The following LOC400499 variants were observed in gnomAD, a reference collection of about 807,000 sequenced individuals.
the LOC400499 span, chr16:11,396,422 G>A: frequency 8.4e-7 from 1 of 1,184,554 alleles, no homozygotes; most frequent in Non-Finnish European, 1.1e-6. Context: ...GGGCCGCCCA[G>A]GCAGTTGGGG....
chr16:11,447,991 A>G, the LOC400499 span: 1 of 1,536,014 alleles, frequency 6.5e-7, no homozygotes, highest in Non-Finnish European at 8.7e-7. Context: ...CAGCTCCTCC[A>G]GCTCTCCTTC....
the LOC400499 span, among the ~76,000 whole-genome samples, chr16:11,401,766 C>A: frequency 1.3e-5 from 2 of 152,236 alleles, no homozygotes; most frequent in Non-Finnish European, 2.9e-5. Context: ...AGATGGGAGG[C>A]TGATGTGTGG....
chr16:11,392,768 G>A, the LOC400499 span: 14 of 983,866 alleles, frequency 1.4e-5, no homozygotes, highest in Middle Eastern at 5.2e-4. Context: ...CAAGGCAGGA[G>A]TACAGTGGCT....
the LOC400499 span, among the ~76,000 whole-genome samples, chr16:11,396,237 C>A: frequency 6.6e-6 from 1 of 152,206 alleles, no homozygotes; most frequent in Non-Finnish European, 1.5e-5. Context: ...TTGGGCAGCC[C>A]AGCCACTGCC....
chr16:11,449,130 A>G, the LOC400499 span: 2 of 1,412,322 alleles, frequency 1.4e-6, no homozygotes, highest in South Asian at 1.5e-5. Context: ...GAGGAGGGGG[A>G]CCAAGGCCTT....
At chr16:11,452,201 G>GTTTTTTTTTTTTTTTTTTT in the LOC400499 span, among the ~76,000 whole-genome samples, 1 of 77,198 alleles carries the variant, frequency 1.3e-5, no homozygotes, top group Non-Finnish European at 3.1e-5. Context: ...CAGTTTTTTT[G>GTTTTTTTTTTTTTTTTTTT]TTTGTTTTTT....
the LOC400499 span, chr16:11,391,715 G>C: frequency 1.6e-6 from 2 of 1,232,272 alleles, no homozygotes; most frequent in Non-Finnish European, 2.0e-6. Flanking sequence ...GCCACTCCAG[G>C]TAAAGAGGCA....
At chr16:11,402,843 G>C in the LOC400499 span, among the ~76,000 whole-genome samples, 2 of 152,196 alleles carry the variant, frequency 1.3e-5, no homozygotes, top group African/African-American at 2.4e-5. Flanking sequence ...ATCAGGAGCT[G>C]ATGGGGGCAG....
At chr16:11,488,541 T>C in the LOC400499 span, among the ~76,000 whole-genome samples, 1 of 152,116 alleles carries the variant, frequency 6.6e-6, no homozygotes, top group Admixed American at 6.6e-5. Flanking sequence ...TGCCTCAGCC[T>C]CCCAAAGTGC....
chr16:11,378,374 C>G, the LOC400499 span, among the ~76,000 whole-genome samples: 2 of 151,934 alleles, frequency 1.3e-5, no homozygotes, highest in Non-Finnish European at 2.9e-5. Flanking sequence ...AGTGATTCTC[C>G]TGCCTCAGCC....
At chr16:11,396,075 T>C in the LOC400499 span, among the ~76,000 whole-genome samples, 1 of 152,230 alleles carries the variant, frequency 6.6e-6, no homozygotes, top group Non-Finnish European at 1.5e-5. Flanking sequence ...AGTGGCTGTT[T>C]TCTCTCAGGC....
the LOC400499 span, chr16:11,387,256 C>A: frequency 2.4e-6 from 3 of 1,232,296 alleles, no homozygotes; most frequent in Non-Finnish European, 3.0e-6. Flanking sequence ...GCTCGTCCCC[C>A]GCAGGCAACA....
chr16:11,474,418 T>C, the LOC400499 span, among the ~76,000 whole-genome samples: 1 of 152,270 alleles, frequency 6.6e-6, no homozygotes, highest in East Asian at 1.9e-4. Flanking sequence ...CCATTTTGCC[T>C]ACTCTGGAAT....
chr16:11,496,787 C>T, the LOC400499 span, among the ~76,000 whole-genome samples: 64 of 152,184 alleles, frequency 4.2e-4, no homozygotes, highest in African/African-American at 1.5e-3. Flanking sequence ...GGTGAGTGTC[C>T]TACTGTGTGT....
the LOC400499 span, among the ~76,000 whole-genome samples, chr16:11,463,837 G>C: frequency 6.6e-6 from 1 of 152,088 alleles, no homozygotes; most frequent in African/African-American, 2.4e-5. Context: ...GTGTGTTTAT[G>C]GACATGTATG....
the LOC400499 span, among the ~76,000 whole-genome samples, chr16:11,494,965 T>C: frequency 0.018 from 2,735 of 152,176 alleles, 33 homozygotes; most frequent in Non-Finnish European, 0.025. Context: ...TCCCAGCACT[T>C]TGGGAGGCCA....
chr16:11,396,399 C>G, the LOC400499 span: 34 of 1,024,624 alleles, frequency 3.3e-5, no homozygotes, highest in African/African-American at 5.6e-4. Flanking sequence ...CCTCAGATAG[C>G]CACTAGATGG....
chr16:11,386,051 A>C, the LOC400499 span, among the ~76,000 whole-genome samples: 1 of 152,282 alleles, frequency 6.6e-6, no homozygotes, highest in East Asian at 1.9e-4. Flanking sequence ...AAAATGTCAC[A>C]CATACAAGTC....
chr16:11,488,734 G>C, the LOC400499 span: 1 of 399,010 alleles, frequency 2.5e-6, no homozygotes, highest in East Asian at 3.6e-5. Flanking sequence ...CATCAGAATA[G>C]GACGAGTGTT....
Sources: allele counts gnomAD v4.1 joint callset (sites outside exome capture counted in the v4.1 genomes callset), GRCh38; gene constraint gnomAD v4.1.1; transcripts MANE v1.5.